The following CUX2 variants were observed in gnomAD, a reference collection of about 807,000 sequenced individuals.
CUX2 encodes homeobox protein cut-like 2.
A neutral mutation model predicts 144.8 loss-of-function variants in CUX2; 40 were observed. The observed-to-expected ratio is 0.28, with a 90% CI of 0.21 to 0.36. The LOEUF (loss-of-function observed/expected upper bound fraction) is 0.36, where lower values mean the gene tolerates loss of function less well. CUX2 is among the 10% of genes least tolerant of loss of function. The pLI, the probability that CUX2 is intolerant of heterozygous loss-of-function variation, is 1.00. For missense variants in CUX2, 1,615 were observed against 1,994.0 expected (o/e 0.81, Z 3.62); for synonymous variants, 827 against 875.6 (o/e 0.94, Z 0.98).
At chr12:111,216,257 C>T (rs906868969) in intron 2 of CUX2, among the ~76,000 whole-genome samples, 7 of 152,224 alleles carry the variant, frequency 4.6e-5, no homozygotes, top group African/African-American at 1.7e-4. Flanking sequence ...CTAGCTGCGC[C>T]ATTCACTTGC....
chr12:111,052,326 C>T (rs1015274173), intron 1 of CUX2, among the ~76,000 whole-genome samples: 4 of 152,112 alleles, frequency 2.6e-5, no homozygotes, highest in African/African-American at 7.2e-5. Context: ...CTGATGAACA[C>T]CGGCCTCCCT....
chr12:111,164,825 C>G (rs1878028074), intron 1 of CUX2, among the ~76,000 whole-genome samples: 1 of 152,132 alleles, frequency 6.6e-6, no homozygotes, highest in African/African-American at 2.4e-5. Context: ...GTGTGGTCCA[C>G]AGTAGAACTG....
chr12:111,304,064 G>T lies in CUX2; in HGVS notation c.754-146G>T. ...CAGGGCTCTGTGACTGGTCTTCATAGCTCCAGGACAGGGTCCGGGACTAGG... is the reference window on the plus strand; with the variant it reads ...CAGGGCTCTGTGACTGGTCTTCATATCTCCAGGACAGGGTCCGGGACTAGG... On this transcript the variant is annotated intron_variant, in intron 9 of 21. Coordinates refer to ENST00000261726, the MANE Select transcript of CUX2 (RefSeq NM_015267.4). This position sits in a 1 kb window ranked among gnomAD's most constrained non-coding sequence, Gnocchi z 4.7. 1 of 614,672 alleles carries T rather than the reference G, an allele frequency of 1.6e-6. No individual in the cohort carries two copies. The highest frequency in any genetic ancestry group is 2.9e-6 in the Non-Finnish European group (1 of 345,022). The allele number at this position is 614,672 out of a possible 1,614,324, so 38.1% of individuals were successfully genotyped here.
At position 111,115,325 on chromosome 12, in the gene CUX2, G is replaced by T. The variant is rs192673334; in HGVS notation, c.63+81085G>T. Among the ~76,000 whole-genome samples the T allele has an allele frequency of 6.4e-4, 79 of 123,314 alleles. 1 individual carries two copies. The highest frequency in any genetic ancestry group is 4.5e-3 in the South Asian group (18 of 3,966). 80.9% of individuals were successfully genotyped at this position (123,314 alleles called of 152,430 possible). A position where few individuals can be genotyped will look rare whatever the true frequency, so the allele number is the denominator to read the frequency against. ...TTTTGAGATAGAGTCTTGCTCTGTC[G>T]CCCAGGCTAGAGTGCAGTGGCGTGA... On this transcript the variant is annotated intron_variant, in intron 1 of 21. Coordinates refer to ENST00000261726, the MANE Select transcript of CUX2 (RefSeq NM_015267.4).
chr12:111,157,491 C>G (rs1877470507), intron 1 of CUX2, among the ~76,000 whole-genome samples: 1 of 151,920 alleles, frequency 6.6e-6, no homozygotes, highest in African/African-American at 2.4e-5. Flanking sequence ...AAAAAAAAAT[C>G]ACTCTAGGTT....
At chr12:111,048,920 T>C (rs1377741710) in intron 1 of CUX2, among the ~76,000 whole-genome samples, 2 of 152,060 alleles carry the variant, frequency 1.3e-5, no homozygotes, top group Non-Finnish European at 2.9e-5. Flanking sequence ...GGACTGGAAG[T>C]AGCAGGGGTT....
chr12:111,306,321 G>C (rs976992925), intron 10 of CUX2, among the ~76,000 whole-genome samples: 1 of 120,318 alleles, frequency 8.3e-6, no homozygotes, highest in East Asian at 5.4e-4. Context: ...CTTTTTGTTT[G>C]TTTGGTTTTT....
At chr12:111,087,366 CAAAAAAAAAAAAAA>C (rs1159500448) in intron 1 of CUX2, among the ~76,000 whole-genome samples, 7 of 45,050 alleles carry the variant, frequency 1.6e-4, no homozygotes, top group African/African-American at 2.3e-4. Flanking sequence ...GACTCCATCT[CAAAAAAAAAAAAAA>C]AAAAAAAAAA....
chr12:111,231,551 A>G (rs960268970), intron 3 of CUX2, among the ~76,000 whole-genome samples: 1 of 152,202 alleles, frequency 6.6e-6, no homozygotes, highest in African/African-American at 2.4e-5. Context: ...GTGCAATTGC[A>G]TGCTTTAGGT....
intron 1 of CUX2, among the ~76,000 whole-genome samples, chr12:111,164,272 G>A (rs1020728320): frequency 6.6e-6 from 1 of 152,110 alleles, no homozygotes; most frequent in Non-Finnish European, 1.5e-5. Flanking sequence ...CTTGGTGTTT[G>A]TTGAGTAGGA....
intron 1 of CUX2, among the ~76,000 whole-genome samples, chr12:111,158,558 G>A (rs1409646147): frequency 6.6e-6 from 1 of 151,978 alleles, no homozygotes; most frequent in East Asian, 1.9e-4. Context: ...GATAGCCTGG[G>A]CTGGGGAAGG....
chr12:111,268,842 C>T (rs893975226), intron 4 of CUX2, among the ~76,000 whole-genome samples: 2 of 152,208 alleles, frequency 1.3e-5, no homozygotes, highest in African/African-American at 4.8e-5. Flanking sequence ...GTGTCAGCGA[C>T]AAATGACACT....
rs1185260117 is a variant in CUX2, at chr12:111,312,465, C to G, written c.2002+264C>G. Reference sequence around the variant, plus strand: ...CCTGTAATCCCAGCACTTTGGGAAGCCAAGGCAGGCTGATCACCTGAGATC... The same window carrying G: ...CCTGTAATCCCAGCACTTTGGGAAGGCAAGGCAGGCTGATCACCTGAGATC... On this transcript the variant is annotated intron_variant, in intron 16 of 21. Transcript: ENST00000261726. The surrounding 1 kb of genome is among the most constrained non-coding windows in gnomAD (Gnocchi z 4.3). 6.6e-6 allele frequency among the ~76,000 whole-genome samples: 1 copy of G among 152,166 alleles called. No homozygotes were observed. The highest frequency in any genetic ancestry group is 1.5e-5 in the Non-Finnish European group (1 of 68,028).
At chr12:111,093,965 T>G (rs189549735) in intron 1 of CUX2, among the ~76,000 whole-genome samples, 1 of 152,334 alleles carries the variant, frequency 6.6e-6, no homozygotes, top group East Asian at 1.9e-4. Flanking sequence ...TGTTTATCTA[T>G]AGTCGTTCGC....
chr12:111,179,332 A>G (rs1879026129), intron 1 of CUX2, among the ~76,000 whole-genome samples: 1 of 152,164 alleles, frequency 6.6e-6, no homozygotes. Context: ...GCCGTGGAGG[A>G]GTATTACAAA....
intron 4 of CUX2, among the ~76,000 whole-genome samples, chr12:111,278,498 G>A (rs1251019339): frequency 6.6e-6 from 1 of 152,184 alleles, no homozygotes; most frequent in Non-Finnish European, 1.5e-5. Context: ...GCCTGCCACA[G>A]AGATGCCCCC....
intron 1 of CUX2, among the ~76,000 whole-genome samples, chr12:111,124,848 G>A (rs1874943434): frequency 6.6e-6 from 1 of 152,198 alleles, no homozygotes; most frequent in Non-Finnish European, 1.5e-5. Context: ...TGATGTCCAT[G>A]AGTACCTGAT....
chr12:111,322,344 A>AAAAAAT lies in CUX2; in HGVS notation c.2767-77_2767-76insAAAAAT. 5 of 1,050,822 alleles carry AAAAAAT rather than the reference A, an allele frequency of 4.8e-6. No homozygotes were observed. The highest frequency in any genetic ancestry group is 1.9e-5 in the South Asian group (1 of 52,642). 65.1% of individuals were successfully genotyped at this position (1,050,822 alleles called of 1,614,324 possible). A position where few individuals can be genotyped will look rare whatever the true frequency, so the allele number is the denominator to read the frequency against. ...CTCAAAAAAAAAAAAAAAAAAAAAAAGGTTGGGGAGGAGAGTGAGGGCCAG... is the reference window on the plus strand; with the variant it reads ...CTCAAAAAAAAAAAAAAAAAAAAAAAAAAAATGGTTGGGGAGGAGAGTGAGGGCCAG... On this transcript the variant is annotated intron_variant, in intron 17 of 21. Coordinates refer to ENST00000261726, the MANE Select transcript of CUX2 (RefSeq NM_015267.4). The surrounding 1 kb of genome is among the most constrained non-coding windows in gnomAD (Gnocchi z 4.2).
chr12:111,290,231 G>T (rs1433330779), intron 4 of CUX2, among the ~76,000 whole-genome samples: 1 of 152,160 alleles, frequency 6.6e-6, no homozygotes, highest in Admixed American at 6.5e-5. Flanking sequence ...TGGGCATGGT[G>T]GTGCACACCC....
Sources: allele counts gnomAD v4.1 joint callset (sites outside exome capture counted in the v4.1 genomes callset), GRCh38; gene constraint gnomAD v4.1.1; non-coding constraint Gnocchi (gnomAD v3.1); transcripts MANE v1.5; gene names NCBI Gene and HGNC (gene_info 2026-07-23, HGNC 2026-07-21).